OR4N2: variants seen among roughly 807,000 people sequenced by gnomAD.
OR4N2 encodes olfactory receptor family 4 subfamily N member 2.
For synonymous variants in OR4N2, 141 were observed against 140.4 expected, an observed-to-expected ratio of 1.00 and a Z score of -0.03; for missense variants, 307 against 377.6, an observed-to-expected ratio of 0.81 and a Z score of 1.55.
chr14:19,805,544 G>A (rs1424379969), intron 1 of OR4N2, among the ~76,000 whole-genome samples: 2 of 152,076 alleles, frequency 1.3e-5, no homozygotes, highest in East Asian at 1.9e-4. Flanking sequence ...CAAAAATAAA[G>A]CAAAAACAAT....
At chr14:19,810,586 G>T (rs968223893) in intron 1 of OR4N2, among the ~76,000 whole-genome samples, 2 of 152,118 alleles carry the variant, frequency 1.3e-5, no homozygotes, top group African/African-American at 4.8e-5. Flanking sequence ...GCCATCAATG[G>T]TAAACTGTAT....
chr14:19,828,772 A>G lies in OR4N2; in HGVS notation c.*400A>G. 5.2e-6 allele frequency: 1 copy of G among 190,800 alleles called. No homozygotes were observed. Among genetic ancestry groups the G allele is most frequent in the Non-Finnish European group, 1.1e-5 (1 of 90,742 alleles). 11.8% of individuals were successfully genotyped at this position (190,800 alleles called of 1,614,324 possible). A position where few individuals can be genotyped will look rare whatever the true frequency, so the allele number is the denominator to read the frequency against. On this transcript the variant is annotated 3_prime_UTR_variant, in exon 2 of 2. Coordinates refer to ENST00000557677, the MANE Select transcript of OR4N2 (RefSeq NM_001004723.3). The stretch of plus-strand genomic sequence containing the variant: ...GGCAAACATGCAAACATTTGTGGTT[A>G]TAGTAATCTAGACGGAGGGCACAGG...
chr14:19,823,910 G>A (rs545688382), intron 1 of OR4N2, among the ~76,000 whole-genome samples: 9 of 152,234 alleles, frequency 5.9e-5, no homozygotes, highest in Non-Finnish European at 1.0e-4. Context: ...GGCTCCAGGA[G>A]CTCATCTGAC....
chr14:19,811,928 T>C (rs2635547), intron 1 of OR4N2, among the ~76,000 whole-genome samples: 12,374 of 149,792 alleles, frequency 0.083, 106 homozygotes, highest in East Asian at 0.18. Flanking sequence ...CTATTCAACA[T>C]GTGCTGACCA....
At chr14:19,821,279 A>G (rs922436315) in intron 1 of OR4N2, among the ~76,000 whole-genome samples, 4 of 152,208 alleles carry the variant, frequency 2.6e-5, no homozygotes, top group Non-Finnish European at 4.4e-5. Context: ...ACCAGTCCCA[A>G]TGAGATGAGC....
chr14:19,804,481 G>A (rs1483748279), intron 1 of OR4N2, among the ~76,000 whole-genome samples: 1 of 152,186 alleles, frequency 6.6e-6, no homozygotes, highest in East Asian at 1.9e-4. Context: ...TTCAGGAGAA[G>A]GTTGGTTAAT....
At chr14:19,820,242 G>A (rs532162481) in intron 1 of OR4N2, among the ~76,000 whole-genome samples, 1 of 152,364 alleles carries the variant, frequency 6.6e-6, no homozygotes, top group South Asian at 2.1e-4. Flanking sequence ...GGATCTCCTG[G>A]ATTCATTGAT....
intron 1 of OR4N2, chr14:19,821,994 G>A (rs1316947759): frequency 6.6e-6 from 1 of 152,240 alleles, no homozygotes; most frequent in Non-Finnish European, 1.5e-5. Flanking sequence ...AATTTCTGGA[G>A]CTCTTCATAT....
chr14:19,814,991 T>C (rs1879389493), intron 1 of OR4N2, among the ~76,000 whole-genome samples: 1 of 152,246 alleles, frequency 6.6e-6, no homozygotes, highest in Admixed American at 6.5e-5. Context: ...TCCCTGCAAA[T>C]GACATGAACT....
At chr14:19,815,690 C>T (rs1358863975) in intron 1 of OR4N2, among the ~76,000 whole-genome samples, 4 of 146,016 alleles carry the variant, frequency 2.7e-5, no homozygotes, top group African/African-American at 5.1e-5. Flanking sequence ...TGTGCAGAAG[C>T]TCTTCAGTTT....
chr14:19,822,728 A>G lies in OR4N2; in HGVS notation c.-9-4712A>G, dbSNP rs1338834494. Among the ~76,000 whole-genome samples the G allele has an allele frequency of 2.0e-5, 3 of 152,270 alleles. No homozygotes were observed. The East Asian group carries it at 5.8e-4, about 29-fold the overall frequency. On this transcript the variant is annotated intron_variant, in intron 1 of 1. Transcript: ENST00000557677. ...CTTTTAACATCTAAATATTTTCAGG[A>G]TTAACTTTGGTTGAAGTGTACTTGA...
chr14:19,819,985 G>T (rs2138475044), intron 1 of OR4N2, among the ~76,000 whole-genome samples: 1 of 152,394 alleles, frequency 6.6e-6, no homozygotes, highest in South Asian at 2.1e-4. Flanking sequence ...GTCCACTCCA[G>T]ACCCTGTTTT....
At chr14:19,819,650 G>T (rs1383478286) in intron 1 of OR4N2, among the ~76,000 whole-genome samples, 1 of 152,212 alleles carries the variant, frequency 6.6e-6, no homozygotes, top group South Asian at 2.1e-4. Flanking sequence ...TAGCTCAGAG[G>T]AGTTTGTTAC....
chr14:19,820,943 C>G (rs1472680658), intron 1 of OR4N2, among the ~76,000 whole-genome samples: 3 of 152,226 alleles, frequency 2.0e-5, no homozygotes, highest in Non-Finnish European at 4.4e-5. Context: ...GTGAATAGTT[C>G]TATCTTGCTG....
chr14:19,819,013 A>T (rs867172456), intron 1 of OR4N2, among the ~76,000 whole-genome samples: 6 of 152,216 alleles, frequency 3.9e-5, no homozygotes, highest in Admixed American at 1.3e-4. Flanking sequence ...ATTGGCCCCC[A>T]CTTCTTTCTG....
rs143738692 is a variant in OR4N2, at chr14:19,807,267, C to T, written c.-10+3423C>T. The stretch of plus-strand genomic sequence containing the variant: ...TTAATGAAATTGAGATGCAAAAATA[C>T]GTACAAAAGGTCAGTGAAACCAATA... On this transcript the variant is annotated intron_variant, in intron 1 of 1. Coordinates refer to ENST00000557677, the MANE Select transcript of OR4N2 (RefSeq NM_001004723.3). Among the ~76,000 whole-genome samples, 815 of 150,654 alleles carry T rather than the reference C, an allele frequency of 5.4e-3. 2 individuals are homozygous for T. The highest frequency in any genetic ancestry group is 0.018 in the African/African-American group (755 of 41,192).
chr14:19,813,788 G>T (rs1305454827), intron 1 of OR4N2, among the ~76,000 whole-genome samples: 2 of 151,598 alleles, frequency 1.3e-5, no homozygotes, highest in African/African-American at 2.4e-5. Context: ...AAGGAATTTC[G>T]CCTCTGGATG....
intron 1 of OR4N2, among the ~76,000 whole-genome samples, chr14:19,812,528 T>TTTG (rs1879327506): frequency 2.0e-5 from 3 of 152,236 alleles, no homozygotes; most frequent in African/African-American, 7.2e-5. Flanking sequence ...TTGTTTGTTT[T>TTTG]TTGTATTTTT....
intron 1 of OR4N2, among the ~76,000 whole-genome samples, chr14:19,810,794 A>G (rs1879277248): frequency 1.3e-5 from 2 of 152,270 alleles, no homozygotes; most frequent in Admixed American, 1.3e-4. Flanking sequence ...CCCATAGTAG[A>G]ATGATGAATT....
Sources: allele counts gnomAD v4.1 joint callset (sites outside exome capture counted in the v4.1 genomes callset), GRCh38; gene constraint gnomAD v4.1.1; transcripts MANE v1.5; gene names NCBI Gene and HGNC (gene_info 2026-07-23, HGNC 2026-07-21).